PALM2AKAP2: variants seen among roughly 807,000 people sequenced by gnomAD.
PALM2AKAP2 encodes PALM2 and AKAP2 fusion, also known as PALM2-AKAP2 fusion protein.
Under a neutral mutation model 71.5 loss-of-function variants are expected in PALM2AKAP2, and 37 were observed. That is an observed-to-expected ratio of 0.52 (90% confidence interval 0.40 to 0.68). The LOEUF (loss-of-function observed/expected upper bound fraction) is 0.68. Ranked by LOEUF, PALM2AKAP2 falls within the 30% of genes least tolerant of loss-of-function variation. The pLI, the probability that PALM2AKAP2 is intolerant of heterozygous loss-of-function variation, is 0.00. For synonymous variants in PALM2AKAP2, 468 were observed against 478.8 expected, an observed-to-expected ratio of 0.98 and a Z score of 0.29; for missense variants, 1,224 against 1,191.8, an observed-to-expected ratio of 1.03 and a Z score of -0.40.
intron 1 of PALM2AKAP2, among the ~76,000 whole-genome samples, chr9:109,689,455 C>T (rs1416195525): frequency 6.6e-6 from 1 of 152,160 alleles, no homozygotes; most frequent in Admixed American, 6.5e-5. Flanking sequence ...CCGCCTCGGC[C>T]ACCCAAAGTG....
intron 1 of PALM2AKAP2, among the ~76,000 whole-genome samples, chr9:109,720,546 T>C (rs1048029702): frequency 6.6e-6 from 1 of 152,094 alleles, no homozygotes; most frequent in African/African-American, 2.4e-5. Flanking sequence ...GAGGTTTCTC[T>C]GAAAGAGAGA....
At chr9:109,767,769 G>C (rs147579231) in intron 1 of PALM2AKAP2, among the ~76,000 whole-genome samples, 1 of 152,108 alleles carries the variant, frequency 6.6e-6, no homozygotes, top group African/African-American at 2.4e-5. Context: ...GCTTGCTTCA[G>C]AGCATTCCTA....
At chr9:109,821,111 C>T (rs1827987594) in intron 1 of PALM2AKAP2, among the ~76,000 whole-genome samples, 1 of 152,212 alleles carries the variant, frequency 6.6e-6, no homozygotes, top group South Asian at 2.1e-4. Context: ...GGGTTCCATT[C>T]CCAACTTCTA....
chr9:109,955,029 A>G (rs1831721404), intron 6 of PALM2AKAP2, among the ~76,000 whole-genome samples: 1 of 151,900 alleles, frequency 6.6e-6, no homozygotes, highest in African/African-American at 2.4e-5. Context: ...ACCACCTTCT[A>G]TTATTCTTAC....
intron 1 of PALM2AKAP2, among the ~76,000 whole-genome samples, chr9:109,846,534 G>A (rs1214257303): frequency 2.0e-5 from 3 of 152,208 alleles, no homozygotes; most frequent in African/African-American, 7.2e-5. Flanking sequence ...TATCAATGAA[G>A]CCTTTGCTTT....
At chr9:109,934,047 T>A (rs1014031865) in intron 6 of PALM2AKAP2, among the ~76,000 whole-genome samples, 2 of 152,248 alleles carry the variant, frequency 1.3e-5, no homozygotes, top group African/African-American at 4.8e-5. Flanking sequence ...CTGAGTAGTA[T>A]AACAAATATC....
intron 6 of PALM2AKAP2, among the ~76,000 whole-genome samples, chr9:110,008,751 AC>A (rs772923768): frequency 1.3e-5 from 2 of 151,754 alleles, no homozygotes; most frequent in African/African-American, 2.4e-5. Flanking sequence ...CATTGCCCTT[AC>A]ACTGGGGCTT....
chr9:109,957,594 A>G (rs56301956), intron 6 of PALM2AKAP2, among the ~76,000 whole-genome samples: 7,556 of 152,256 alleles, frequency 0.05, 306 homozygotes, highest in Admixed American at 0.11. Context: ...ATGAACTTAA[A>G]CATTTTTCAG....
At chr9:109,725,168 G>T (rs1354977416) in intron 1 of PALM2AKAP2, among the ~76,000 whole-genome samples, 1 of 152,128 alleles carries the variant, frequency 6.6e-6, no homozygotes, top group Non-Finnish European at 1.5e-5. Flanking sequence ...GGAGCCTAGG[G>T]TTGGCAAGAA....
At position 110,162,135 on chromosome 9, in the gene PALM2AKAP2, A is replaced by G; in HGVS notation, c.2748+5638A>G. The G allele has an allele frequency of 6.2e-7, 1 of 1,613,982 alleles. No individual in the cohort carries two copies. Among genetic ancestry groups the G allele is most frequent in the Non-Finnish European group, 8.5e-7 (1 of 1,179,952 alleles). On this transcript the variant is annotated intron_variant, in intron 3 of 3. Transcript: ENST00000374525. Reference sequence around the variant, plus strand: ...TGTCTTGCAAGGTGACTTCCGAGGTACTTTTCAATTTGTTTGTCTTGGTCT... The same window carrying G: ...TGTCTTGCAAGGTGACTTCCGAGGTGCTTTTCAATTTGTTTGTCTTGGTCT...
intron 1 of PALM2AKAP2, among the ~76,000 whole-genome samples, chr9:109,663,545 TGACA>T (rs1310447029): frequency 3.3e-5 from 5 of 152,236 alleles, no homozygotes; most frequent in African/African-American, 9.6e-5. Context: ...CACTGTGGTC[TGACA>T]GACAGTTTGT....
chr9:110,124,349 C>T (rs1042077027), intron 1 of PALM2AKAP2, among the ~76,000 whole-genome samples: 10 of 152,182 alleles, frequency 6.6e-5, no homozygotes, highest in African/African-American at 1.4e-4. Flanking sequence ...CCATGTGTAG[C>T]GTTTGTCATC....
intron 1 of PALM2AKAP2, among the ~76,000 whole-genome samples, chr9:109,865,505 T>C (rs1052381027): frequency 1.3e-5 from 2 of 152,034 alleles, no homozygotes; most frequent in African/African-American, 2.4e-5. Flanking sequence ...CATGTAAAGG[T>C]CCACTGCCCA....
chr9:109,934,071 G>A lies in PALM2AKAP2; in HGVS notation c.496+2043G>A, dbSNP rs191619341. ...ATAACAAATATCCTGGTTGTTTGGC[G>A]TTTGGAAGGTTTGGGACTCTGTATA... On this transcript the variant is annotated intron_variant, in intron 6 of 9. Coordinates refer to the PALM2AKAP2 transcript ENST00000302798. 8.5e-5 allele frequency among the ~76,000 whole-genome samples: 13 copies of A among 152,326 alleles called. No individual in the cohort carries two copies. The East Asian group carries it at 1.2e-3, about 14-fold the overall frequency.
chr9:109,678,976 C>A, intron 1 of PALM2AKAP2, among the ~76,000 whole-genome samples: 1 of 152,072 alleles, frequency 6.6e-6, no homozygotes, highest in East Asian at 1.9e-4. Context: ...GGCAAACTCA[C>A]GTTTAGGGCT....
At chr9:109,728,724 A>G (rs146059984) in intron 1 of PALM2AKAP2, among the ~76,000 whole-genome samples, 3 of 152,190 alleles carry the variant, frequency 2.0e-5, no homozygotes, top group African/African-American at 7.2e-5. Context: ...GCAGAAAAAT[A>G]GTTCAAATTT....
chr9:109,986,531 G>T (rs1832382308), intron 6 of PALM2AKAP2, among the ~76,000 whole-genome samples: 1 of 152,180 alleles, frequency 6.6e-6, no homozygotes, highest in African/African-American at 2.4e-5. Context: ...TCAGGCAGAT[G>T]CAAATAGAAT....
At chr9:110,073,783 C>A (rs1834261445) in intron 1 of PALM2AKAP2, among the ~76,000 whole-genome samples, 1 of 152,092 alleles carries the variant, frequency 6.6e-6, no homozygotes, top group Admixed American at 6.5e-5. Context: ...TACTATAGTT[C>A]TTAAATATAA....
At chr9:110,005,739 C>T (rs1422482444) in intron 6 of PALM2AKAP2, among the ~76,000 whole-genome samples, 1 of 152,220 alleles carries the variant, frequency 6.6e-6, no homozygotes, top group East Asian at 1.9e-4. Context: ...GCACCCCTCC[C>T]CCAGCCTCGC....
Sources: gnomAD v4.1 joint callset for allele counts (sites outside exome capture counted in the v4.1 genomes callset) on GRCh38, gnomAD v4.1.1 for gene constraint, MANE v1.5 for transcripts, NCBI Gene and HGNC (gene_info 2026-07-23, HGNC 2026-07-21) for gene names.